SLIT3: variants seen among roughly 807,000 people sequenced by gnomAD.
SLIT3 encodes the protein slit homolog 3 protein.
Under a neutral mutation model 184.0 loss-of-function variants are expected in SLIT3, and 68 were observed. The observed-to-expected ratio is 0.37, with a 90% CI of 0.30 to 0.45. The LOEUF (loss-of-function observed/expected upper bound fraction) is 0.45, where lower values mean the gene tolerates loss of function less well. SLIT3 is among the 20% of genes least tolerant of loss of function. The pLI, the probability that SLIT3 is intolerant of heterozygous loss-of-function variation, is 1.00. For missense variants in SLIT3, 1,707 were observed against 2,026.0 expected, an observed-to-expected ratio of 0.84 and a Z score of 3.02; for synonymous variants, 831 against 828.6, an observed-to-expected ratio of 1.00 and a Z score of -0.05.
At chr5:169,003,321 G>C (rs1297419528) in intron 4 of SLIT3, among the ~76,000 whole-genome samples, 1 of 152,204 alleles carries the variant, frequency 6.6e-6, no homozygotes, top group Non-Finnish European at 1.5e-5. Context: ...AGGGCACTCA[G>C]TACATCTTCC....
chr5:169,129,712 G>A (rs979270128), intron 4 of SLIT3, among the ~76,000 whole-genome samples: 35 of 152,128 alleles, frequency 2.3e-4, no homozygotes, highest in Non-Finnish European at 4.7e-4. Flanking sequence ...ATGGCACTGC[G>A]GAGTAAATCC....
At chr5:168,782,589 T>C (rs1756013665) in intron 12 of SLIT3, among the ~76,000 whole-genome samples, 1 of 152,154 alleles carries the variant, frequency 6.6e-6, no homozygotes, top group South Asian at 2.1e-4. Flanking sequence ...CACCCTGAGC[T>C]TCCAGTGAGG....
At chr5:169,170,300 A>C (rs1473206693) in intron 4 of SLIT3, among the ~76,000 whole-genome samples, 2 of 152,162 alleles carry the variant, frequency 1.3e-5, no homozygotes, top group Non-Finnish European at 2.9e-5. Flanking sequence ...GGGTGAAAAG[A>C]CTGCGGAAAT....
intron 4 of SLIT3, among the ~76,000 whole-genome samples, chr5:169,139,988 G>T (rs1468214465): frequency 6.6e-6 from 1 of 152,170 alleles, no homozygotes; most frequent in Non-Finnish European, 1.5e-5. Context: ...GGGCTGGCCT[G>T]CTGCCACCTC....
chr5:168,684,177 C>T (rs1761677191), intron 31 of SLIT3, 81 bp from the exon 32 acceptor site: 1 of 1,354,616 alleles, frequency 7.4e-7, no homozygotes, highest in African/African-American at 1.5e-5. Context: ...AGCCCTCTTC[C>T]AGGCAGCAGC....
At chr5:168,777,929 G>A (rs1161389888) in intron 12 of SLIT3, among the ~76,000 whole-genome samples, 1 of 152,202 alleles carries the variant, frequency 6.6e-6, no homozygotes, top group Non-Finnish European at 1.5e-5. Context: ...ACAAGAGTTG[G>A]AGGGGAATTT....
intron 2 of SLIT3, among the ~76,000 whole-genome samples, chr5:169,248,625 T>C (rs1293035229): frequency 1.3e-5 from 2 of 152,174 alleles, no homozygotes; most frequent in Admixed American, 6.5e-5. Context: ...TTTTTTGGCA[T>C]TGTTATTTTT....
intron 32 of SLIT3, among the ~76,000 whole-genome samples, chr5:168,680,313 C>T (rs527674284): frequency 1.3e-5 from 2 of 152,392 alleles, no homozygotes; most frequent in East Asian, 3.9e-4. Context: ...CTCAGGTGGG[C>T]TTCTCTGTGT....
At chr5:169,005,501 C>G (rs1310023967) in intron 4 of SLIT3, among the ~76,000 whole-genome samples, 1 of 152,166 alleles carries the variant, frequency 6.6e-6, no homozygotes, top group African/African-American at 2.4e-5. Flanking sequence ...GCAACACCAC[C>G]AGCATCTTCC....
At chr5:169,257,383 G>A (rs955307933) in intron 1 of SLIT3, among the ~76,000 whole-genome samples, 30 of 9,000 alleles carry the variant, frequency 3.3e-3, no homozygotes, top group African/African-American at 5.7e-3. Context: ...CAACCTCCCC[G>A]CCCCCACCCC....
chr5:168,841,109 C>T (rs974194750), intron 6 of SLIT3, among the ~76,000 whole-genome samples: 1 of 152,244 alleles, frequency 6.6e-6, no homozygotes, highest in Non-Finnish European at 1.5e-5. Context: ...CACCCTGCAG[C>T]CCACAGCCGC....
At chr5:168,859,432 G>A (rs560132443) in intron 5 of SLIT3, among the ~76,000 whole-genome samples, 40 of 152,106 alleles carry the variant, frequency 2.6e-4, no homozygotes, top group African/African-American at 9.4e-4. Context: ...AACCATAAAT[G>A]CAAGCTACAG....
In SLIT3 at chr5:168,916,459, GGGCGGGGCCCTGCA is replaced by G. The variant is rs1186669035; in HGVS notation, c.414-33137_414-33124del. Among the ~76,000 whole-genome samples, 4 of 152,330 alleles carry G rather than the reference GGGCGGGGCCCTGCA, an allele frequency of 2.6e-5. No homozygotes were observed. In the East Asian group the frequency reaches 7.7e-4, roughly 29 times the overall value. On this transcript the variant is annotated intron_variant, in intron 4 of 35. Transcript: ENST00000519560. ...GTCCCAGCCAAGTGCAGAGACAAAG[GGGCGGGGCCCTGCA>G]GGCGCCAAGCACGTCACTTACTGGA...
chr5:169,093,844 C>G (rs1017386501), intron 4 of SLIT3, among the ~76,000 whole-genome samples: 4 of 151,904 alleles, frequency 2.6e-5, no homozygotes, highest in Non-Finnish European at 5.9e-5. Flanking sequence ...ATAAGCATGG[C>G]CTTGAAGAGG....
chr5:169,246,337 A>T (rs1396617338), intron 2 of SLIT3, among the ~76,000 whole-genome samples: 7 of 152,158 alleles, frequency 4.6e-5, no homozygotes, highest in Non-Finnish European at 1.0e-4. Context: ...TTGAAGGGAG[A>T]GGCTAAAAGA....
At chr5:169,085,952 C>T (rs986782803) in intron 4 of SLIT3, among the ~76,000 whole-genome samples, 26 of 152,142 alleles carry the variant, frequency 1.7e-4, no homozygotes, top group African/African-American at 4.8e-4. Context: ...CAGCCTGCAG[C>T]GGCAAGAGTC....
intron 9 of SLIT3, among the ~76,000 whole-genome samples, chr5:168,801,464 T>C (rs1454323082): frequency 6.6e-6 from 1 of 152,190 alleles, no homozygotes; most frequent in East Asian, 1.9e-4. Flanking sequence ...TGCCAGATGC[T>C]CTCACTTGTG....
intron 4 of SLIT3, among the ~76,000 whole-genome samples, chr5:169,057,739 G>T (rs889465059): frequency 6.6e-6 from 1 of 152,180 alleles, no homozygotes; most frequent in African/African-American, 2.4e-5. Flanking sequence ...AGACTGGGGT[G>T]AGAAAGGATG....
At chr5:169,230,147 C>A (rs1764953106) in intron 3 of SLIT3, among the ~76,000 whole-genome samples, 1 of 152,172 alleles carries the variant, frequency 6.6e-6, no homozygotes, top group African/African-American at 2.4e-5. Context: ...TATTTTTATC[C>A]TCCATGCTAA....
Sources: gnomAD v4.1 joint callset for allele counts (sites outside exome capture counted in the v4.1 genomes callset) on GRCh38, gnomAD v4.1.1 for gene constraint, MANE v1.5 for transcripts, NCBI Gene and HGNC (gene_info 2026-07-23, HGNC 2026-07-21) for gene names.